The following DENND5B variants were observed in gnomAD, a reference collection of about 807,000 sequenced individuals.
The protein encoded by DENND5B is DENN domain-containing protein 5B.
Under a neutral mutation model 140.6 loss-of-function variants are expected in DENND5B, and 34 were observed. That is an observed-to-expected ratio of 0.24 (90% confidence interval 0.18 to 0.32). The LOEUF is 0.32. DENND5B is among the 10% of genes least tolerant of loss of function. The pLI, the probability that DENND5B is intolerant of heterozygous loss-of-function variation, is 1.00. For synonymous variants in DENND5B, 551 were observed against 562.1 expected (o/e 0.98, Z 0.28); for missense variants, 1,142 against 1,560.2 (o/e 0.73, Z 4.52).
At chr12:31,561,356 G>C (rs1414362090) in intron 1 of DENND5B, among the ~76,000 whole-genome samples, 2 of 152,172 alleles carry the variant, frequency 1.3e-5, no homozygotes, top group African/African-American at 4.8e-5. Context: ...AAGCGTGGTG[G>C]CACACACCTA....
intron 1 of DENND5B, among the ~76,000 whole-genome samples, chr12:31,589,382 C>T (rs1950520551): frequency 6.6e-6 from 1 of 152,074 alleles, no homozygotes; most frequent in African/African-American, 2.4e-5. Context: ...TCTATTATCT[C>T]TCCAAATTTT....
rs139191857 is a variant in DENND5B, at chr12:31,551,578, T to C, written c.127+39128A>G. On this transcript the variant is annotated intron_variant, in intron 1 of 20. Transcript: ENST00000389082. ...TTCTGGTTCCATATAAACTTTAAAG[T>C]AGTTTTTTCCAATTCTGTGAAGAAA... 9.5e-3 allele frequency among the ~76,000 whole-genome samples: 1,441 copies of C among 152,278 alleles called. 24 individuals are homozygous for C. Among genetic ancestry groups the C allele is most frequent in the African/African-American group, 0.033 (1,382 of 41,530 alleles).
intron 1 of DENND5B, among the ~76,000 whole-genome samples, chr12:31,517,574 T>C (rs1947709437): frequency 6.6e-6 from 1 of 152,244 alleles, no homozygotes; most frequent in Admixed American, 6.5e-5. Flanking sequence ...TTAACAGCTG[T>C]AGCCTTAGTT....
chr12:31,392,743 A>T, intron 17 of DENND5B, 47 bp from the exon 18 acceptor site: 1 of 1,514,848 alleles, frequency 6.6e-7, no homozygotes, highest in South Asian at 1.2e-5. Flanking sequence ...AGAGAAATAA[A>T]CCAAAGTACT....
intron 4 of DENND5B, among the ~76,000 whole-genome samples, chr12:31,455,816 T>C (rs1944748313): frequency 6.7e-6 from 1 of 149,554 alleles, no homozygotes; most frequent in Non-Finnish European, 1.5e-5. Flanking sequence ...GGTCAGGAGT[T>C]TGAGATCAGC....
chr12:31,424,351 C>G (rs183682459), intron 10 of DENND5B, among the ~76,000 whole-genome samples, 184 bp downstream of exon 10: 4 of 152,222 alleles, frequency 2.6e-5, no homozygotes, highest in Admixed American at 1.3e-4. Context: ...CAGGAAAGAG[C>G]CCAAACCACC....
chr12:31,553,960 T>C (rs900167555), intron 1 of DENND5B, among the ~76,000 whole-genome samples: 17 of 152,200 alleles, frequency 1.1e-4, no homozygotes, highest in African/African-American at 3.9e-4. Flanking sequence ...TGTATGTCTC[T>C]GCACGTGAGA....
intron 13 of DENND5B, among the ~76,000 whole-genome samples, chr12:31,411,608 G>T (rs1942466541): frequency 1.3e-5 from 2 of 152,046 alleles, no homozygotes; most frequent in African/African-American, 4.8e-5. Context: ...CTCCCAAAGT[G>T]CTGGGATTAC....
At chr12:31,416,820 G>A (rs1275344062) in intron 11 of DENND5B, among the ~76,000 whole-genome samples, 1 of 151,366 alleles carries the variant, frequency 6.6e-6, no homozygotes, top group Non-Finnish European at 1.5e-5. Flanking sequence ...AACATAGGGA[G>A]ACCAGCCTGG....
chr12:31,450,273 G>A (rs1297698048), intron 5 of DENND5B, among the ~76,000 whole-genome samples: 6 of 152,202 alleles, frequency 3.9e-5, no homozygotes, highest in African/African-American at 9.7e-5. Context: ...CCTGTCTGAT[G>A]TGGGGAAAAA....
chr12:31,552,993 T>C (rs1174668095), intron 1 of DENND5B, among the ~76,000 whole-genome samples: 1 of 152,200 alleles, frequency 6.6e-6, no homozygotes, highest in East Asian at 1.9e-4. Context: ...GTCAATTTTG[T>C]TGATCTTTTC....
chr12:31,438,358 G>A (rs553060286), intron 7 of DENND5B, among the ~76,000 whole-genome samples: 9 of 152,108 alleles, frequency 5.9e-5, no homozygotes, highest in Non-Finnish European at 1.0e-4. Context: ...CTCATGAAAT[G>A]TATTCATTAT....
chr12:31,420,710 C>T (rs1473499546), intron 11 of DENND5B, among the ~76,000 whole-genome samples: 3 of 152,062 alleles, frequency 2.0e-5, no homozygotes, highest in Non-Finnish European at 2.9e-5. Context: ...TCCCACAGTG[C>T]TGGAATTACA....
intron 1 of DENND5B, among the ~76,000 whole-genome samples, chr12:31,527,236 A>T (rs1212993755): frequency 1.3e-5 from 2 of 152,206 alleles, no homozygotes; most frequent in Admixed American, 1.3e-4. Context: ...GAAGGAGGTG[A>T]GACAGTGAGC....
At chr12:31,557,969 G>C (rs1463188846) in intron 1 of DENND5B, among the ~76,000 whole-genome samples, 5 of 152,040 alleles carry the variant, frequency 3.3e-5, no homozygotes, top group South Asian at 2.1e-4. Flanking sequence ...GAGAGGACTG[G>C]TTAAGCCCAG....
At chr12:31,563,561 A>C (rs549627050) in intron 1 of DENND5B, among the ~76,000 whole-genome samples, 1 of 152,356 alleles carries the variant, frequency 6.6e-6, no homozygotes, top group African/African-American at 2.4e-5. Context: ...ATTCAGTGCA[A>C]AAAGCAGTCT....
chr12:31,392,453 C>T (rs1941197064), intron 18 of DENND5B, 60 bp from the exon 19 acceptor site: 1 of 1,595,848 alleles, frequency 6.3e-7, no homozygotes, highest in Admixed American at 1.8e-5. Context: ...CTAAAAAAAA[C>T]ACTAGAGAAG....
chr12:31,480,275 A>C lies in DENND5B; in HGVS notation c.238-20T>G, dbSNP rs1946014913. ...GCACAACTGTGAAAGAAAGAAAAAA[A>C]AAAATCAGAATGCAGTACACAAATA... On this transcript the variant is annotated intron_variant, in intron 2 of 20. Transcript: ENST00000389082. 2.7e-6 allele frequency: 4 copies of C among 1,467,306 alleles called. No homozygotes were observed. In the South Asian group the frequency reaches 5.7e-5, roughly 21 times the overall value. The allele number at this position is 1,467,306 out of a possible 1,614,324, so 90.9% of individuals were successfully genotyped here. A position where few individuals can be genotyped will look rare whatever the true frequency, so the allele number is the denominator to read the frequency against.
chr12:31,473,418 A>C (rs1052843115), intron 3 of DENND5B, among the ~76,000 whole-genome samples: 1 of 152,236 alleles, frequency 6.6e-6, no homozygotes, highest in Non-Finnish European at 1.5e-5. Context: ...TACCTAGTAC[A>C]GTAAAACAGA....
Sources: gnomAD v4.1 joint callset for allele counts (sites outside exome capture counted in the v4.1 genomes callset) on GRCh38, gnomAD v4.1.1 for gene constraint, MANE v1.5 for transcripts, NCBI Gene and HGNC (gene_info 2026-07-23, HGNC 2026-07-21) for gene names.